Variants in SH3PXD2B observed in about 807,000 individuals in gnomAD.
SH3PXD2B encodes SH3 and PX domain-containing protein 2B.
A neutral mutation model predicts 73.1 loss-of-function variants in SH3PXD2B; 37 were observed. The observed-to-expected ratio is 0.51, with a 90% CI of 0.39 to 0.67. The LOEUF (loss-of-function observed/expected upper bound fraction) is 0.67, where lower values mean the gene tolerates loss of function less well. Ranked by LOEUF, SH3PXD2B falls within the 30% of genes least tolerant of loss-of-function variation. SH3PXD2B has a pLI of 0.00. For synonymous variants in SH3PXD2B, 457 were observed against 480.5 expected, an observed-to-expected ratio of 0.95 and a Z score of 0.64; for missense variants, 1,053 against 1,197.8, an observed-to-expected ratio of 0.88 and a Z score of 1.78.
Position 172,359,387 on chromosome 5 carries a change from CAA to C in SH3PXD2B, c.563-512_563-511del, listed in dbSNP as rs70982393. 2.0e-3 allele frequency among the ~76,000 whole-genome samples: 166 copies of C among 84,072 alleles called. 1 individual carries two copies. Among genetic ancestry groups the C allele is most frequent in the South Asian group, 3.7e-3 (7 of 1,888 alleles). 55.2% of individuals were successfully genotyped at this position (84,072 alleles called of 152,430 possible). On this transcript the variant is annotated intron_variant, in intron 7 of 12. Transcript: ENST00000311601. ...GGGCGACAGAGTGAGACCCCCATCT[CAA>C]AAAAAAAAAAAAAAAAAAGTATAAA... is the stretch of plus-strand genomic sequence containing the variant.
chr5:172,350,069 G>A (rs988658350), intron 10 of SH3PXD2B, among the ~76,000 whole-genome samples: 1 of 152,142 alleles, frequency 6.6e-6, no homozygotes, highest in Non-Finnish European at 1.5e-5. Flanking sequence ...TGGCCAGGCT[G>A]GTCTTGAACT....
intron 3 of SH3PXD2B, among the ~76,000 whole-genome samples, chr5:172,397,277 C>G (rs370127286): frequency 1.3e-5 from 2 of 152,264 alleles, no homozygotes; most frequent in South Asian, 2.1e-4. Flanking sequence ...TTGGTCAGAC[C>G]GTTGTCTGCT....
At position 172,338,377 on chromosome 5, in the gene SH3PXD2B, T is replaced by A. The variant is rs1311349405; in HGVS notation, c.2728A>T (p.Lys910Ter). ...GWIPSNYLRKKP is the reference protein window; with the variant it reads ...GWIPSNYLRK ...GGCAGAAAGGGAGTCGGCTACGGCT[T>A]CTTTCTGAGATAGTTGGAAGGAATC... is the stretch of plus-strand genomic sequence containing the variant. Residue 910 changes from lysine (K) to a stop codon, truncating the protein, a stop_gained, in exon 13 of 13, where the codon AAG becomes TAG. Coordinates refer to ENST00000311601, the MANE Select transcript of SH3PXD2B (RefSeq NM_001017995.3). LOFTEE classifies it high-confidence loss of function. This position sits in a 1 kb window ranked among gnomAD's most constrained non-coding sequence, Gnocchi z 5.1. 5 of 1,614,070 alleles carry A rather than the reference T, an allele frequency of 3.1e-6. No individual in the cohort carries two copies. The South Asian group carries it at 5.5e-5, about 18-fold the overall frequency.
Position 172,346,193 on chromosome 5 carries a change from G to C in SH3PXD2B, c.1131C>G (p.Ala377=). 6.2e-7 allele frequency: 1 copy of C among 1,614,124 alleles called. No homozygotes were observed. Among genetic ancestry groups the C allele is most frequent in the East Asian group, 2.2e-5 (1 of 44,874 alleles). ...PQVEEEYYTI[A]EFQTTIPDGI... Reference sequence around the variant, plus strand: ...CGTCTGGGATGGTTGTCTGGAATTCGGCGATGGTGTAATACTCTTCCTCCA... The same window carrying C: ...CGTCTGGGATGGTTGTCTGGAATTCCGCGATGGTGTAATACTCTTCCTCCA... Residue 377 remains alanine (A), a synonymous_variant, in exon 12 of 13, where the codon GCC becomes GCG. Coordinates refer to ENST00000311601, the MANE Select transcript of SH3PXD2B (RefSeq NM_001017995.3).
chr5:172,417,819 T>C (rs1758860430), intron 2 of SH3PXD2B, among the ~76,000 whole-genome samples: 1 of 152,188 alleles, frequency 6.6e-6, no homozygotes, highest in Non-Finnish European at 1.5e-5. Flanking sequence ...ACCATAAAAG[T>C]CACCCTTTTA....
intron 4 of SH3PXD2B, 111 bp downstream of exon 4, chr5:172,394,452 C>T (rs1490167992): frequency 8.2e-6 from 9 of 1,098,248 alleles, no homozygotes; most frequent in Non-Finnish European, 1.2e-5. Context: ...AATTTCTTTA[C>T]ATTCCTTTGA....
chr5:172,428,422 A>G (rs769168878), intron 1 of SH3PXD2B, among the ~76,000 whole-genome samples: 1 of 152,244 alleles, frequency 6.6e-6, no homozygotes, highest in East Asian at 1.9e-4. Context: ...AATAGCGACA[A>G]TAACAAGTGC....
At chr5:172,416,249 A>G (rs1758817308) in intron 2 of SH3PXD2B, among the ~76,000 whole-genome samples, 1 of 151,594 alleles carries the variant, frequency 6.6e-6, no homozygotes, top group South Asian at 2.1e-4. Context: ...GATCACTTGA[A>G]CCTAGGAGTT....
intron 7 of SH3PXD2B, among the ~76,000 whole-genome samples, chr5:172,359,340 T>C (rs1310603339): frequency 8.2e-5 from 11 of 134,564 alleles, no homozygotes; most frequent in Admixed American, 1.8e-4. Flanking sequence ...TGAGCTATGA[T>C]TGTGCCACTG....
At chr5:172,423,721 G>A (rs190833480) in intron 1 of SH3PXD2B, among the ~76,000 whole-genome samples, 5 of 152,058 alleles carry the variant, frequency 3.3e-5, no homozygotes, top group African/African-American at 7.2e-5. Flanking sequence ...ACACAATCTC[G>A]GCTCACTGCC....
At position 172,339,028 on chromosome 5, in the gene SH3PXD2B, C is replaced by A; in HGVS notation, c.2077G>T (p.Asp693Tyr). 6.2e-7 allele frequency: 1 copy of A among 1,614,172 alleles called. No individual in the cohort carries two copies. ...GEGPQAVGGQ[D>Y]VAFSRSFLPG... The stretch of plus-strand genomic sequence containing the variant: ...AGGAAGCTTCGGCTGAAGGCCACGT[C>A]TTGGCCCCCTACTGCCTGGGGGCCC... The change falls in exon 13 of 13, where the codon GAC becomes TAC. Residue 693 changes from aspartate (D) to tyrosine (Y), a missense_variant. Physicochemically the swap from Asp to Tyr is radical, Grantham distance 160. This residue lies in a region of SH3PXD2B where 587 missense variants were observed against 590.7 expected (regional missense o/e 0.99). Transcript: ENST00000311601. The surrounding 1 kb of genome is among the most constrained non-coding windows in gnomAD (Gnocchi z 6.1).
chr5:172,368,559 TATATATAAA>T (rs1164045834), intron 6 of SH3PXD2B, among the ~76,000 whole-genome samples: 13 of 23,616 alleles, frequency 5.5e-4, no homozygotes, highest in African/African-American at 1.4e-3. Context: ...ATATATTATA[TATATATAAA>T]ATATGTTATA....
intron 1 of SH3PXD2B, among the ~76,000 whole-genome samples, chr5:172,446,176 A>C (rs894322959): frequency 1.5e-4 from 23 of 152,150 alleles, no homozygotes; most frequent in Admixed American, 1.3e-3. Flanking sequence ...ACCCCTCCTC[A>C]GGCATTCTGC....
intron 6 of SH3PXD2B, among the ~76,000 whole-genome samples, chr5:172,371,725 C>T (rs1757709480): frequency 6.6e-6 from 1 of 152,208 alleles, no homozygotes; most frequent in Non-Finnish European, 1.5e-5. Context: ...CCTCATCAAG[C>T]CCGTTCCGAC....
chr5:172,390,585 T>G (rs1758160132), intron 4 of SH3PXD2B, among the ~76,000 whole-genome samples: 1 of 152,160 alleles, frequency 6.6e-6, no homozygotes, highest in Admixed American at 6.5e-5. Context: ...AAGATATGTC[T>G]ATTGTATGGA....
At chr5:172,419,722 C>T (rs200269702) in intron 2 of SH3PXD2B, among the ~76,000 whole-genome samples, 73 of 152,278 alleles carry the variant, frequency 4.8e-4, no homozygotes, top group African/African-American at 1.7e-3. Flanking sequence ...CCCCTCTCTT[C>T]GTGCCCAAGC....
At position 172,449,169 on chromosome 5, in the gene SH3PXD2B, C is replaced by G. The variant is rs143027412; in HGVS notation, c.75+5109G>C. 6.8e-3 allele frequency among the ~76,000 whole-genome samples: 1,041 copies of G among 152,318 alleles called. 8 individuals are homozygous for G. The highest frequency in any genetic ancestry group is 0.01 in the Non-Finnish European group (692 of 68,028). On this transcript the variant is annotated intron_variant, in intron 1 of 12. Transcript: ENST00000311601. The stretch of plus-strand genomic sequence containing the variant: ...CTCCAGGGGCACCATCTACCCAGAG[C>G]TTCCTGGGGTGAGAATGACTAAGGG...
Position 172,334,994 on chromosome 5 carries a change from G to A in SH3PXD2B, c.*3375C>T. On this transcript the variant is annotated 3_prime_UTR_variant, in exon 13 of 13. Transcript: ENST00000311601. ...ATGGGCTCCAGCGATCCCCCAGTAGGGAAGGGCCATTAAAAGCGGTTTAAG... is the reference window on the plus strand; with the variant it reads ...ATGGGCTCCAGCGATCCCCCAGTAGAGAAGGGCCATTAAAAGCGGTTTAAG... 1.0e-6 allele frequency: 1 copy of A among 985,450 alleles called. No homozygotes were observed. The highest frequency in any genetic ancestry group is 1.2e-6 in the Non-Finnish European group (1 of 829,960). The allele number at this position is 985,450 out of a possible 1,614,324, so 61.0% of individuals were successfully genotyped here. A position where few individuals can be genotyped will look rare whatever the true frequency, so the allele number is the denominator to read the frequency against.
chr5:172,333,461 C>A (rs1423357343), downstream of SH3PXD2B: 8 of 1,118,336 alleles, frequency 7.2e-6, no homozygotes, highest in Non-Finnish European at 8.9e-6. Context: ...AGCTATGTAC[C>A]CTTTCTCCTG....
Sources: gnomAD v4.1 joint callset for allele counts (sites outside exome capture counted in the v4.1 genomes callset) on GRCh38, gnomAD v4.1.1 for gene constraint, gnomAD v4.1.1 regional missense constraint, Gnocchi (gnomAD v3.1) non-coding constraint, MANE v1.5 for transcripts, NCBI Gene and HGNC (gene_info 2026-07-23, HGNC 2026-07-21) for gene names.